SMURF1: variants seen among roughly 807,000 people sequenced by gnomAD.
SMURF1 encodes the protein E3 ubiquitin-protein ligase SMURF1.
In SMURF1, 44 loss-of-function variants were observed where a neutral mutation model predicts 98.0. The ratio of observed to expected loss-of-function variants is 0.45; its 90% CI spans 0.35 to 0.58. The LOEUF (loss-of-function observed/expected upper bound fraction) is 0.58, where lower values mean the gene tolerates loss of function less well. SMURF1 is among the 20% of genes least tolerant of loss of function. The pLI is 0.00. For missense variants in SMURF1, 687 were observed against 938.4 expected, an observed-to-expected ratio of 0.73 and a Z score of 3.50; for synonymous variants, 396 against 374.9, an observed-to-expected ratio of 1.06 and a Z score of -0.65.
intron 1 of SMURF1, among the ~76,000 whole-genome samples, chr7:99,128,159 T>A (rs73399283): frequency 1.3e-5 from 2 of 152,132 alleles, no homozygotes; most frequent in African/African-American, 4.8e-5. Context: ...TACAAAATTA[T>A]ACTCAACACC....
chr7:99,121,903 A>G (rs1797635828), intron 1 of SMURF1, among the ~76,000 whole-genome samples: 1 of 152,216 alleles, frequency 6.6e-6, no homozygotes, highest in African/African-American at 2.4e-5. Context: ...CTCTGCAGGA[A>G]CCAGGGAGCG....
chr7:99,051,911 G>A (rs1476294086), intron 7 of SMURF1, among the ~76,000 whole-genome samples: 1 of 152,186 alleles, frequency 6.6e-6, no homozygotes, highest in Non-Finnish European at 1.5e-5. Context: ...CACTTGGGCG[G>A]CTGAGGCAGG....
intron 1 of SMURF1, among the ~76,000 whole-genome samples, chr7:99,122,410 A>C (rs1797655430): frequency 6.6e-6 from 1 of 151,374 alleles, no homozygotes; most frequent in Non-Finnish European, 1.5e-5. Context: ...TTGGGAGGCC[A>C]AGGCAGGTGG....
rs1255207521 is a variant in SMURF1 at position 99,030,284 on chromosome 7, A to G, written c.*300T>C. ...TCAGGGCTGTGAGCCTTATCACCACATGGGTTGCAACACAGCAGAATATCC... is the reference window on the plus strand; with the variant it reads ...TCAGGGCTGTGAGCCTTATCACCACGTGGGTTGCAACACAGCAGAATATCC... On this transcript the variant is annotated 3_prime_UTR_variant, in exon 18 of 18. Coordinates refer to ENST00000361368, the MANE Select transcript of SMURF1 (RefSeq NM_181349.3). The G allele has an allele frequency of 5.9e-6, 2 of 338,502 alleles. No individual in the cohort carries two copies. The highest frequency in any genetic ancestry group is 6.1e-5 in the South Asian group (2 of 32,614). 21.0% of individuals were successfully genotyped at this position (338,502 alleles called of 1,614,324 possible). A position where few individuals can be genotyped will look rare whatever the true frequency, so the allele number is the denominator to read the frequency against.
chr7:99,028,208 A>G lies in SMURF1; in HGVS notation c.*2376T>C, dbSNP rs2116911100. 6.5e-6 allele frequency: 1 copy of G among 152,756 alleles called. No homozygotes were observed. Among genetic ancestry groups the G allele is most frequent in the East Asian group, 1.9e-4 (1 of 5,164 alleles). 9.5% of individuals were successfully genotyped at this position (152,756 alleles called of 1,614,324 possible). A position where few individuals can be genotyped will look rare whatever the true frequency, so the allele number is the denominator to read the frequency against. On this transcript the variant is annotated 3_prime_UTR_variant, in exon 18 of 18. Transcript: ENST00000361368. ...CGGACCCAAAGTAGAACAGTCGGGA[A>G]GCTTTTACCATTTGCTTTGCCATGT...
chr7:99,078,281 GAA>G (rs758770830), intron 1 of SMURF1, among the ~76,000 whole-genome samples: 26 of 106,376 alleles, frequency 2.4e-4, no homozygotes, highest in African/African-American at 3.4e-4. Flanking sequence ...CAGCCTGGGC[GAA>G]AAAAAAAAAA....
At position 99,037,090 on chromosome 7, in the gene SMURF1, G is replaced by C; in HGVS notation, c.1786C>G (p.Pro596Ala). 2 of 1,614,012 alleles carry C rather than the reference G, an allele frequency of 1.2e-6. No homozygotes were observed. Among genetic ancestry groups the C allele is most frequent in the East Asian group, 2.2e-5 (1 of 44,884 alleles). Residue 596 changes from proline to alanine, a missense_variant, in exon 15 of 18, where the codon CCT becomes GCT. Around this residue, in one of 2 missense-constraint regions of SMURF1, gnomAD observed 272 missense variants for 430.0 expected, o/e 0.63. Transcript: ENST00000361368. Reference protein sequence around the residue: ...NELIPQHLLKPFDQKELELII... With the variant: ...NELIPQHLLKAFDQKELELII... ...ACCTCCAGTTCCTTCTGGTCAAAAG[G>C]CTTCAGCAGATGTTGAGGGATGAGC... is the stretch of plus-strand genomic sequence containing the variant.
chr7:99,053,218 AC>A (rs1301062733), intron 6 of SMURF1, among the ~76,000 whole-genome samples: 1 of 152,190 alleles, frequency 6.6e-6, no homozygotes, highest in African/African-American at 2.4e-5. Context: ...TTAATAGGCT[AC>A]TGTCCCTTAG....
At chr7:99,131,116 C>T (rs1797863596) in intron 1 of SMURF1, among the ~76,000 whole-genome samples, 1 of 152,138 alleles carries the variant, frequency 6.6e-6, no homozygotes, top group South Asian at 2.1e-4. Flanking sequence ...AAACCAGGTC[C>T]TTGCTTTGCC....
At chr7:99,063,159 AAT>A (rs1278038748) in intron 1 of SMURF1, among the ~76,000 whole-genome samples, 3 of 145,654 alleles carry the variant, frequency 2.1e-5, no homozygotes, top group African/African-American at 7.6e-5. Context: ...CTAAGTGAAT[AAT>A]GTCGTAAGTG....
chr7:99,141,734 T>C (rs1218419438), intron 1 of SMURF1, among the ~76,000 whole-genome samples: 1 of 152,124 alleles, frequency 6.6e-6, no homozygotes, highest in Non-Finnish European at 1.5e-5. Context: ...TCAAAGTAAA[T>C]TTTAGTTTAA....
At chr7:99,090,630 T>C (rs1316760604) in intron 1 of SMURF1, among the ~76,000 whole-genome samples, 7 of 152,184 alleles carry the variant, frequency 4.6e-5, no homozygotes, top group African/African-American at 1.7e-4. Flanking sequence ...CATTTATCAT[T>C]AAATGTTCAA....
At chr7:99,041,660 T>C (rs772760235) in intron 12 of SMURF1, among the ~76,000 whole-genome samples, 2 of 152,200 alleles carry the variant, frequency 1.3e-5, no homozygotes, top group African/African-American at 2.4e-5. Context: ...TGCCCACCCT[T>C]GAGCTGGGCG....
At chr7:99,055,631 A>G (rs924510092) in intron 5 of SMURF1, among the ~76,000 whole-genome samples, 1 of 152,060 alleles carries the variant, frequency 6.6e-6, no homozygotes, top group African/African-American at 2.4e-5. Context: ...CACTGAGCCC[A>G]GTTTTTATTT....
chr7:99,115,167 AAGC>A (rs1463429901), intron 1 of SMURF1, among the ~76,000 whole-genome samples: 2 of 152,072 alleles, frequency 1.3e-5, no homozygotes, highest in Non-Finnish European at 2.9e-5. Context: ...ATAGAGAATA[AAGC>A]AGCAATACAG....
chr7:99,084,154 C>A (rs1193995865), intron 1 of SMURF1, among the ~76,000 whole-genome samples: 1 of 152,274 alleles, frequency 6.6e-6, no homozygotes, highest in Non-Finnish European at 1.5e-5. Flanking sequence ...CAAATCCTAT[C>A]TCCTCTCCAA....
At chr7:99,060,737 T>C in intron 2 of SMURF1, 30 bp from the exon 3 acceptor site, 1 of 1,460,778 alleles carries the variant, frequency 6.8e-7, no homozygotes, top group Non-Finnish European at 9.6e-7. Flanking sequence ...CACACCTAGA[T>C]GAGACCTCAC....
chr7:99,143,645 C>T (rs1381909055), intron 1 of SMURF1, 81 bp downstream of exon 1: 2 of 1,272,160 alleles, frequency 1.6e-6, no homozygotes, highest in African/African-American at 3.2e-5. Flanking sequence ...GGGGGAGGGC[C>T]GCTTCCAAGG....
In SMURF1 at chr7:99,047,705, C is replaced by T. The variant is rs148628265; in HGVS notation, c.1131G>A (p.Val377=). The change falls in exon 10 of 18, where the codon GTG becomes GTA. Residue 377 remains valine (V), a synonymous_variant. Transcript: ENST00000361368. ...QPQAGHCRIE[V]SREEIFEESY... is the part of the protein sequence containing the mutation. ...CTACCTCAAAGATTTCTTCTCTGGACACTTCGATGCGGCAATGACCAGCTT... is the reference window on the plus strand; with the variant it reads ...CTACCTCAAAGATTTCTTCTCTGGATACTTCGATGCGGCAATGACCAGCTT... 108 of 1,614,126 alleles carry T rather than the reference C, an allele frequency of 6.7e-5. No homozygotes were observed. In the African/African-American group the frequency reaches 1.2e-3, roughly 18 times the overall value.
Sources: gnomAD v4.1 joint callset for allele counts (sites outside exome capture counted in the v4.1 genomes callset) on GRCh38, gnomAD v4.1.1 for gene constraint, gnomAD v4.1.1 regional missense constraint, MANE v1.5 for transcripts, NCBI Gene and HGNC (gene_info 2026-07-23, HGNC 2026-07-21) for gene names.